Variants in MBD5 observed in about 807,000 individuals in gnomAD.
The protein encoded by MBD5 is methyl-CpG-binding domain protein 5.
In MBD5, 13 loss-of-function variants were observed where a neutral mutation model predicts 117.3. The observed-to-expected ratio is 0.11, with a 90% CI of 0.07 to 0.18. The LOEUF is 0.18. Ranked by LOEUF, MBD5 falls within the 10% of genes least tolerant of loss-of-function variation. MBD5 has a pLI of 1.00. For synonymous variants in MBD5, 727 were observed against 766.4 expected (o/e 0.95, Z 0.85); for missense variants, 1,879 against 2,093.8 (o/e 0.90, Z 2.00).
At chr2:148,128,317 A>G (rs114305883) in intron 1 of MBD5, among the ~76,000 whole-genome samples, 1,881 of 152,338 alleles carry the variant, frequency 0.012, 45 homozygotes, top group African/African-American at 0.043. Flanking sequence ...GCATGTCTAC[A>G]TATATTACTT....
chr2:148,036,289 T>C (rs1227440258), intron 1 of MBD5, among the ~76,000 whole-genome samples: 1 of 152,150 alleles, frequency 6.6e-6, no homozygotes, highest in East Asian at 1.9e-4. Context: ...GCCAATGTGT[T>C]GAGCCAAGCT....
rs368778841 is a variant in MBD5, at chr2:148,419,198, T to C, written c.-556-39005T>C. ...CAACATGTAGAAGAATGATACTGGA[T>C]CCCTATCTCTTTCCATATGCAAAAA... On this transcript the variant is annotated intron_variant, in intron 4 of 13. Coordinates refer to ENST00000642680, the MANE Select transcript of MBD5 (RefSeq NM_001378120.1). Among the ~76,000 whole-genome samples, 38 of 152,114 alleles carry C rather than the reference T, an allele frequency of 2.5e-4. 3 individuals are homozygous for C. The highest frequency in any genetic ancestry group is 1.7e-3 in the Admixed American group (26 of 15,268).
At chr2:148,462,557 A>T in intron 5 of MBD5, 25 bp from the exon 6 acceptor site, 2 of 1,393,990 alleles carry the variant, frequency 1.4e-6, no homozygotes, top group African/African-American at 2.8e-5. Flanking sequence ...TTATTTCCTG[A>T]TGTTTTTTTA....
chr2:148,202,780 C>G lies in MBD5; in HGVS notation c.-831+23987C>G, dbSNP rs542258744. On this transcript the variant is annotated intron_variant, in intron 2 of 13. Transcript: ENST00000642680. The stretch of plus-strand genomic sequence containing the variant: ...TGGTGGTTCATGCCAGTAATCTCAC[C>G]ACTTTGGTAGGCTGAGGTGGGAGGA... Among the ~76,000 whole-genome samples the G allele has an allele frequency of 2.0e-5, 3 of 152,042 alleles. No homozygotes were observed. The East Asian group carries it at 5.8e-4, about 29-fold the overall frequency.
At chr2:148,428,101 ATC>A (rs930777785) in intron 4 of MBD5, among the ~76,000 whole-genome samples, 5 of 152,078 alleles carry the variant, frequency 3.3e-5, no homozygotes, top group African/African-American at 9.7e-5. Context: ...AAAGCCCATC[ATC>A]TCTGCCCAAA....
At chr2:148,232,361 C>A (rs985347904) in intron 2 of MBD5, among the ~76,000 whole-genome samples, 10 of 152,226 alleles carry the variant, frequency 6.6e-5, no homozygotes, top group African/African-American at 1.4e-4. Context: ...AAAAATCATT[C>A]TTTTGTTACG....
intron 1 of MBD5, among the ~76,000 whole-genome samples, chr2:148,109,600 C>G (rs773596352): frequency 6.6e-6 from 1 of 151,952 alleles, no homozygotes; most frequent in Non-Finnish European, 1.5e-5. Context: ...TTAAAAGCCA[C>G]GATTATATAT....
intron 3 of MBD5, among the ~76,000 whole-genome samples, chr2:148,290,680 C>T (rs574490116): frequency 2.6e-5 from 4 of 152,118 alleles, no homozygotes; most frequent in South Asian, 2.1e-4. Context: ...AATATTGTAG[C>T]GTGTATCAGT....
At chr2:148,349,523 G>T (rs1703202057) in intron 4 of MBD5, among the ~76,000 whole-genome samples, 1 of 151,744 alleles carries the variant, frequency 6.6e-6, no homozygotes, top group African/African-American at 2.4e-5. Context: ...TAAAAAGTGG[G>T]TGTCATTCAC....
chr2:148,207,632 C>T (rs1699318187), intron 2 of MBD5, among the ~76,000 whole-genome samples: 3 of 149,598 alleles, frequency 2.0e-5, no homozygotes, highest in South Asian at 4.2e-4. Context: ...TACCCACTGG[C>T]GTGACTATTA....
intron 4 of MBD5, among the ~76,000 whole-genome samples, chr2:148,441,925 T>A (rs896520554): frequency 1.3e-5 from 2 of 152,336 alleles, no homozygotes; most frequent in African/African-American, 2.4e-5. Context: ...TGTCTGTTCA[T>A]ATCCTTTGCC....
intron 3 of MBD5, among the ~76,000 whole-genome samples, chr2:148,333,511 TC>T (rs1383292429): frequency 6.6e-6 from 1 of 152,018 alleles, no homozygotes; most frequent in African/African-American, 2.4e-5. Flanking sequence ...AAAATTTCAT[TC>T]AGTTTTCCTC....
Position 148,024,762 on chromosome 2 carries a change from A to C in MBD5, c.-925+3078A>C, listed in dbSNP as rs545495998. Among the ~76,000 whole-genome samples the C allele has an allele frequency of 1.1e-4, 17 of 152,332 alleles. No individual in the cohort carries two copies. In the South Asian group the frequency reaches 1.2e-3, roughly 11 times the overall value. On this transcript the variant is annotated intron_variant, in intron 1 of 13. Transcript: ENST00000642680. ...TCTTATACAGGAAGCAGTTTGGCAAAAGTGATATATTATGAATAAGCAATA... is the reference window on the plus strand; with the variant it reads ...TCTTATACAGGAAGCAGTTTGGCAACAGTGATATATTATGAATAAGCAATA...
intron 2 of MBD5, among the ~76,000 whole-genome samples, chr2:148,229,874 C>T (rs1699938354): frequency 6.6e-6 from 1 of 152,154 alleles, no homozygotes; most frequent in Non-Finnish European, 1.5e-5. Context: ...GTCTGTCCCA[C>T]CCCACCCCCA....
chr2:148,166,458 G>C (rs76626891), intron 1 of MBD5, among the ~76,000 whole-genome samples: 1 of 152,112 alleles, frequency 6.6e-6, no homozygotes, highest in South Asian at 2.1e-4. Context: ...TACATAAAAT[G>C]GTTTCTTTTA....
intron 4 of MBD5, among the ~76,000 whole-genome samples, chr2:148,345,815 A>G (rs1333441696): frequency 6.6e-6 from 1 of 151,776 alleles, no homozygotes; most frequent in Non-Finnish European, 1.5e-5. Flanking sequence ...GAGTCTCAAA[A>G]CTGAAGAACT....
chr2:148,181,485 A>G (rs2105856876), intron 2 of MBD5, among the ~76,000 whole-genome samples: 1 of 152,304 alleles, frequency 6.6e-6, no homozygotes, highest in South Asian at 2.1e-4. Flanking sequence ...TCCAGCAATA[A>G]CCTTCTCATC....
At chr2:148,166,645 T>G (rs925364824) in intron 1 of MBD5, among the ~76,000 whole-genome samples, 1 of 152,278 alleles carries the variant, frequency 6.6e-6, no homozygotes, top group African/African-American at 2.4e-5. Flanking sequence ...TCTCATTTAA[T>G]TCTTTAAGTA....
intron 3 of MBD5, among the ~76,000 whole-genome samples, chr2:148,323,469 A>G (rs1702347348): frequency 6.6e-6 from 1 of 152,002 alleles, no homozygotes; most frequent in African/African-American, 2.4e-5. Flanking sequence ...CCAACAGTGT[A>G]AAAGTGTTCC....
Sources: gnomAD v4.1 joint callset for allele counts (sites outside exome capture counted in the v4.1 genomes callset) on GRCh38, gnomAD v4.1.1 for gene constraint, MANE v1.5 for transcripts, NCBI Gene and HGNC (gene_info 2026-07-23, HGNC 2026-07-21) for gene names.